Variants in DACH1 observed in about 807,000 individuals in gnomAD.
DACH1 encodes the protein dachshund homolog 1.
Under a neutral mutation model 54.2 loss-of-function variants are expected in DACH1, and 12 were observed. That is an observed-to-expected ratio of 0.22 (90% confidence interval 0.14 to 0.36). The LOEUF (loss-of-function observed/expected upper bound fraction) is 0.36. Ranked by LOEUF, DACH1 falls within the 10% of genes least tolerant of loss-of-function variation. The probability of loss-of-function intolerance (pLI) is 1.00; values close to 1 mark genes in which losing one functional copy is unlikely to be tolerated. For missense variants in DACH1, 805 were observed against 929.8 expected (o/e 0.87, Z 1.75); for synonymous variants, 386 against 366.2 (o/e 1.05, Z -0.62).
intron 6 of DACH1, among the ~76,000 whole-genome samples, chr13:71,492,243 C>A (rs185819051): frequency 5.3e-5 from 8 of 152,186 alleles, no homozygotes; most frequent in African/African-American, 1.9e-4. Flanking sequence ...CATGTAACGA[C>A]AAGTAATGTT....
intron 6 of DACH1, among the ~76,000 whole-genome samples, chr13:71,511,895 A>G (rs1880803798): frequency 6.6e-6 from 1 of 151,956 alleles, no homozygotes; most frequent in Non-Finnish European, 1.5e-5. Flanking sequence ...GAAACTCAGC[A>G]TCAATTTGTC....
chr13:71,772,300 C>A (rs1051462195), intron 1 of DACH1, among the ~76,000 whole-genome samples: 1 of 151,674 alleles, frequency 6.6e-6, no homozygotes, highest in African/African-American at 2.4e-5. Context: ...CAAAATCACA[C>A]TTTTGTTAAA....
chr13:71,684,443 C>G (rs1272367055), intron 1 of DACH1, among the ~76,000 whole-genome samples: 1 of 152,086 alleles, frequency 6.6e-6, no homozygotes, highest in African/African-American at 2.4e-5. Context: ...AGTTTCTTAA[C>G]AGTTTCCTGA....
intron 6 of DACH1, among the ~76,000 whole-genome samples, chr13:71,525,344 A>G (rs1487313284): frequency 6.6e-6 from 1 of 152,152 alleles, no homozygotes; most frequent in Non-Finnish European, 1.5e-5. Context: ...AGAATCAAAG[A>G]AATCTTTTTT....
intron 1 of DACH1, among the ~76,000 whole-genome samples, chr13:71,692,772 C>T (rs1881588542): frequency 6.6e-6 from 1 of 152,026 alleles, no homozygotes; most frequent in South Asian, 2.1e-4. Context: ...CCGCCCATCT[C>T]AGCCTCCCAA....
At chr13:71,840,031 C>T (rs1215649096) in intron 1 of DACH1, among the ~76,000 whole-genome samples, 2 of 152,188 alleles carry the variant, frequency 1.3e-5, no homozygotes, top group Non-Finnish European at 2.9e-5. Flanking sequence ...ACTGCAACCT[C>T]CACCTCCTCG....
At chr13:71,607,967 A>AT (rs1875002009) in intron 3 of DACH1, among the ~76,000 whole-genome samples, 1 of 151,958 alleles carries the variant, frequency 6.6e-6, no homozygotes, top group Admixed American at 6.6e-5. Flanking sequence ...ATATGTATTA[A>AT]TTCACAATCA....
chr13:71,591,073 T>A (rs185620834), intron 3 of DACH1, among the ~76,000 whole-genome samples: 6 of 151,970 alleles, frequency 3.9e-5, no homozygotes, highest in Non-Finnish European at 8.8e-5. Flanking sequence ...GAAATGATGT[T>A]TCTCCATGTT....
intron 1 of DACH1, among the ~76,000 whole-genome samples, chr13:71,774,080 T>G (rs958810528): frequency 9.9e-5 from 15 of 152,092 alleles, no homozygotes; most frequent in Non-Finnish European, 1.6e-4. Flanking sequence ...TGATATTCAG[T>G]GATGTGACTC....
At chr13:71,649,229 G>A (rs1878505457) in intron 2 of DACH1, among the ~76,000 whole-genome samples, 1 of 152,124 alleles carries the variant, frequency 6.6e-6, no homozygotes, top group East Asian at 1.9e-4. Flanking sequence ...GCCTAGGTAT[G>A]TAGTAAGCTA....
chr13:71,795,792 A>C (rs1464879559), intron 1 of DACH1, among the ~76,000 whole-genome samples: 1 of 152,198 alleles, frequency 6.6e-6, no homozygotes, highest in Non-Finnish European at 1.5e-5. Context: ...TAATGTGAGC[A>C]CTATAATATC....
At chr13:71,841,883 A>G (rs998958602) in intron 1 of DACH1, among the ~76,000 whole-genome samples, 1 of 152,186 alleles carries the variant, frequency 6.6e-6, no homozygotes, top group African/African-American at 2.4e-5. Flanking sequence ...TAACTTCTAC[A>G]TAGTTTACAA....
chr13:71,646,359 A>T (rs1337606845), intron 2 of DACH1, among the ~76,000 whole-genome samples: 1 of 152,106 alleles, frequency 6.6e-6, no homozygotes, highest in Non-Finnish European at 1.5e-5. Context: ...AGAAAAAAAA[A>T]ACAACCCTTC....
intron 1 of DACH1, among the ~76,000 whole-genome samples, chr13:71,739,931 A>G (rs538440347): frequency 6.6e-6 from 1 of 152,366 alleles, no homozygotes; most frequent in South Asian, 2.1e-4. Context: ...GACACACTGT[A>G]AAAGTTAAAA....
At chr13:71,815,254 C>T (rs1887863627) in intron 1 of DACH1, among the ~76,000 whole-genome samples, 1 of 148,012 alleles carries the variant, frequency 6.8e-6, no homozygotes, top group African/African-American at 2.5e-5. Context: ...ACAAAGCTGC[C>T]CAAGTAAAAA....
rs1566477139 is a variant in DACH1, at chr13:71,748,946, TTCTTTCTCTCTTTCTTTCTCTC to T, written c.849-67058_849-67037del. On this transcript the variant is annotated intron_variant, in intron 1 of 10. Coordinates refer to ENST00000613252, the MANE Select transcript of DACH1 (RefSeq NM_080759.6). The stretch of plus-strand genomic sequence containing the variant: ...TTTCTTTCTTTCTTTCTTTCTTTCT[TTCTTTCTCTCTTTCTTTCTCTC>T]TCTCTCTTTCTTCTTTCCTTTTATT... Among the ~76,000 whole-genome samples the T allele has an allele frequency of 2.3e-3, 129 of 57,320 alleles. 13 individuals carry two copies. The highest frequency in any genetic ancestry group is 5.8e-4 in the Non-Finnish European group (11 of 18,968). The allele number at this position is 57,320 out of a possible 152,430, so 37.6% of individuals were successfully genotyped here.
At chr13:71,522,657 C>A (rs1881688810) in intron 6 of DACH1, among the ~76,000 whole-genome samples, 1 of 151,960 alleles carries the variant, frequency 6.6e-6, no homozygotes, top group African/African-American at 2.4e-5. Context: ...TGGCACAATA[C>A]CATTAATATG....
At chr13:71,840,195 A>C (rs568043182) in intron 1 of DACH1, among the ~76,000 whole-genome samples, 1 of 151,968 alleles carries the variant, frequency 6.6e-6, no homozygotes, top group Admixed American at 6.6e-5. Context: ...TGATCTGTCC[A>C]CCTCAGCCTC....
At chr13:71,616,335 C>A (rs1017037477) in intron 3 of DACH1, among the ~76,000 whole-genome samples, 1 of 152,176 alleles carries the variant, frequency 6.6e-6, no homozygotes, top group Non-Finnish European at 1.5e-5. Flanking sequence ...GGTATGCATG[C>A]ATCTTGGAAT....
Sources: gnomAD v4.1 joint callset for allele counts (sites outside exome capture counted in the v4.1 genomes callset) on GRCh38, gnomAD v4.1.1 for gene constraint, MANE v1.5 for transcripts, NCBI Gene and HGNC (gene_info 2026-07-23, HGNC 2026-07-21) for gene names.